The following ATL1 variants were observed in gnomAD, a reference collection of about 807,000 sequenced individuals.
The protein encoded by ATL1 is atlastin-1.
ATL1 carries 31 observed loss-of-function variants against 75.5 expected under a neutral mutation model. The observed-to-expected ratio is 0.41, with a 90% CI of 0.31 to 0.55. ATL1 has a LOEUF of 0.55. Among genes scored for constraint, ATL1 ranks in the 20% least tolerant of loss-of-function variants. ATL1 has a pLI of 0.27. For synonymous variants in ATL1, 226 were observed against 233.3 expected, an observed-to-expected ratio of 0.97 and a Z score of 0.28; for missense variants, 405 against 662.6, an observed-to-expected ratio of 0.61 and a Z score of 4.27.
At chr14:50,606,570 T>C (rs2039318867) in intron 6 of ATL1, among the ~76,000 whole-genome samples, 1 of 152,008 alleles carries the variant, frequency 6.6e-6, no homozygotes, top group African/African-American at 2.4e-5. Flanking sequence ...ACAGAGAGTG[T>C]CCTCTTGAAG....
intron 1 of ATL1, among the ~76,000 whole-genome samples, chr14:50,565,092 G>A (rs138063793): frequency 1.9e-4 from 29 of 152,128 alleles, no homozygotes; most frequent in African/African-American, 7.0e-4. Context: ...TTCGAGACCA[G>A]CCTGGGTAAC....
At chr14:50,569,408 G>T (rs1261166534) in intron 1 of ATL1, among the ~76,000 whole-genome samples, 1 of 141,740 alleles carries the variant, frequency 7.1e-6, no homozygotes, top group Non-Finnish European at 1.5e-5. Context: ...AACAGAGAAA[G>T]ACTCTGTCTC....
rs1275519729 is a variant in ATL1 at position 50,586,704 on chromosome 14, GA to G, written c.35-1125del. ...TTATTTGATTGCTACCAAAGAGGCA[GA>G]ATTTTTTTTTTTTTATTGTAGTAGA... On this transcript the variant is annotated intron_variant, in intron 1 of 13. Coordinates refer to ENST00000358385, the MANE Select transcript of ATL1 (RefSeq NM_015915.5). Among the ~76,000 whole-genome samples, 4 of 151,702 alleles carry G rather than the reference GA, an allele frequency of 2.6e-5. No individual in the cohort carries two copies. In the East Asian group the frequency reaches 7.7e-4, roughly 29 times the overall value.
chr14:50,553,021 A>T (rs2038721899), intron 1 of ATL1, among the ~76,000 whole-genome samples: 1 of 152,154 alleles, frequency 6.6e-6, no homozygotes, highest in African/African-American at 2.4e-5. Context: ...GGGGCCAGGC[A>T]TGGTGGCTCA....
At chr14:50,595,457 A>G (rs2039205906) in intron 5 of ATL1, 119 bp from the exon 6 acceptor site, 1 of 870,588 alleles carries the variant, frequency 1.1e-6, no homozygotes, top group Non-Finnish European at 1.8e-6. Flanking sequence ...ATATTCTGTT[A>G]TACCTAGAGG....
chr14:50,538,562 G>T (rs770936746), intron 1 of ATL1, among the ~76,000 whole-genome samples: 9 of 152,158 alleles, frequency 5.9e-5, no homozygotes, highest in Non-Finnish European at 1.0e-4. Flanking sequence ...GTTTCCTCAC[G>T]CAATAACAGG....
chr14:50,537,499 T>C (rs538562331), intron 1 of ATL1, among the ~76,000 whole-genome samples: 1 of 148,320 alleles, frequency 6.7e-6, no homozygotes, highest in African/African-American at 2.6e-5. Context: ...AGAGGGCCAC[T>C]GTCCTCCAGA....
chr14:50,587,109 C>T (rs2039109108), intron 1 of ATL1, among the ~76,000 whole-genome samples: 1 of 152,038 alleles, frequency 6.6e-6, no homozygotes, highest in South Asian at 2.1e-4. Context: ...GTATTTCTTC[C>T]TATATATGTT....
At position 50,614,504 on chromosome 14, in the gene ATL1, A is replaced by G; in HGVS notation, c.855A>G (p.Lys285=). 4 of 1,613,882 alleles carry G rather than the reference A, an allele frequency of 2.5e-6. No individual in the cohort carries two copies. Among genetic ancestry groups the G allele is most frequent in the Non-Finnish European group, 3.4e-6 (4 of 1,179,884 alleles). Residue 285 remains lysine, a synonymous_variant, in exon 8 of 14, where the codon AAA becomes AAG. Transcript: ENST00000358385. ...CTACCAATCCAAACTTTGATGGAAAATTGAAAGGTTTGTGTCTTTTAATGA... is the reference window on the plus strand; with the variant it reads ...CTACCAATCCAAACTTTGATGGAAAGTTGAAAGGTTTGTGTCTTTTAATGA... ...KVATNPNFDG[K]LKEIDDEFIK...
intron 1 of ATL1, among the ~76,000 whole-genome samples, chr14:50,563,751 A>G (rs2038874377): frequency 6.6e-6 from 1 of 152,222 alleles, no homozygotes; most frequent in Admixed American, 6.5e-5. Context: ...CCATACCCAG[A>G]GATAAAACTG....
chr14:50,553,284 A>G (rs1256025009), intron 1 of ATL1, among the ~76,000 whole-genome samples: 5 of 151,992 alleles, frequency 3.3e-5, no homozygotes, highest in Non-Finnish European at 7.4e-5. Context: ...AAAAAAAAAA[A>G]AGTGGGTAAA....
rs188554536 is a variant in ATL1 at position 50,621,030 on chromosome 14, T to C, written c.990+304T>C. On this transcript the variant is annotated intron_variant, in intron 9 of 13. Transcript: ENST00000358385. Reference sequence around the variant, plus strand: ...AAGTCTTTTGGGGGGATGGGGTGTTTCCCAGGGTCCATGGTCTATTCTGAA... The same window carrying C: ...AAGTCTTTTGGGGGGATGGGGTGTTCCCCAGGGTCCATGGTCTATTCTGAA... Among the ~76,000 whole-genome samples, 38 of 152,298 alleles carry C rather than the reference T, an allele frequency of 2.5e-4. 1 individual carries two copies. Among genetic ancestry groups the C allele is most frequent in the Admixed American group, 2.2e-3 (34 of 15,306 alleles).
chr14:50,549,872 C>T (rs2038680132), intron 1 of ATL1, among the ~76,000 whole-genome samples: 1 of 152,196 alleles, frequency 6.6e-6, no homozygotes, highest in African/African-American at 2.4e-5. Flanking sequence ...AAAGAGTTAC[C>T]CACTAACACA....
At chr14:50,564,027 G>T (rs1194957331) in intron 1 of ATL1, among the ~76,000 whole-genome samples, 2 of 152,082 alleles carry the variant, frequency 1.3e-5, no homozygotes, top group South Asian at 4.1e-4. Context: ...GGAATAGTAT[G>T]CCAAAAGGTA....
intron 1 of ATL1, among the ~76,000 whole-genome samples, chr14:50,578,405 G>T (rs1276668533): frequency 1.3e-5 from 2 of 152,098 alleles, no homozygotes; most frequent in Non-Finnish European, 2.9e-5. Context: ...ACAAGGAAAG[G>T]ATAATCAGAT....
At chr14:50,611,358 A>C (rs3015449) in intron 6 of ATL1, among the ~76,000 whole-genome samples, 119,874 of 152,080 alleles carry the variant, frequency 0.79, 47,841 homozygotes, top group African/African-American at 0.91. Context: ...GAACACATAG[A>C]AATAGTACAT....
chr14:50,598,727 A>G (rs2039244824), intron 6 of ATL1, among the ~76,000 whole-genome samples: 2 of 152,208 alleles, frequency 1.3e-5, no homozygotes, highest in Admixed American at 6.5e-5. Context: ...AAGCCATAGC[A>G]ATGAAAATGG....
rs2039593043 is a variant in ATL1, at chr14:50,632,539, A to C, written c.*200A>C. 2.2e-6 allele frequency: 1 copy of C among 453,142 alleles called. No individual in the cohort carries two copies. Among genetic ancestry groups the C allele is most frequent in the Non-Finnish European group, 4.1e-6 (1 of 245,230 alleles). The allele number at this position is 453,142 out of a possible 1,614,324, so 28.1% of individuals were successfully genotyped here. A position where few individuals can be genotyped will look rare whatever the true frequency, so the allele number is the denominator to read the frequency against. On this transcript the variant is annotated 3_prime_UTR_variant, in exon 14 of 14. Coordinates refer to ENST00000358385, the MANE Select transcript of ATL1 (RefSeq NM_015915.5). ...TATGCATGGTTATACTATTTTGTTA[A>C]CATGTACAATTTCCTGATTTTTCTT...
Position 50,587,980 on chromosome 14 carries a change from G to C in ATL1, c.184G>C (p.Val62Leu). 6.2e-7 allele frequency: 1 copy of C among 1,614,198 alleles called. No individual in the cohort carries two copies. ...AAATCGGATCCTTCTCTCGGAGGCT[G>C]TCAGAGACAAGGAGGTTGTTGCTGT... is the stretch of plus-strand genomic sequence containing the variant. ...ALNRILLSEAVRDKEVVAVSV... is the reference protein window; with the variant it reads ...ALNRILLSEALRDKEVVAVSV... The change falls in exon 2 of 14, where the codon GTC becomes CTC. Residue 62 changes from valine (V) to leucine (L), a missense_variant. Physicochemically the swap from Val to Leu is conservative, Grantham distance 32 (BLOSUM62 1). Around this residue, in one of 5 missense-constraint regions of ATL1, gnomAD observed 126 missense variants for 172.0 expected, o/e 0.73. Transcript: ENST00000358385.
Sources: gnomAD v4.1 joint callset for allele counts (sites outside exome capture counted in the v4.1 genomes callset) on GRCh38, gnomAD v4.1.1 for gene constraint, gnomAD v4.1.1 regional missense constraint, MANE v1.5 for transcripts, NCBI Gene and HGNC (gene_info 2026-07-23, HGNC 2026-07-21) for gene names.